KCNK10: variants seen among roughly 807,000 people sequenced by gnomAD.
KCNK10 encodes potassium channel subfamily K member 10.
A neutral mutation model predicts 47.7 loss-of-function variants in KCNK10; 25 were observed. The observed-to-expected ratio is 0.52, with a 90% CI of 0.38 to 0.73. The LOEUF (loss-of-function observed/expected upper bound fraction) is 0.73. KCNK10 is among the 30% of genes least tolerant of loss of function. The pLI is 0.00. For missense variants in KCNK10, 563 were observed against 714.5 expected, an observed-to-expected ratio of 0.79 and a Z score of 2.42; for synonymous variants, 303 against 285.6, an observed-to-expected ratio of 1.06 and a Z score of -0.61.
chr14:88,270,830 A>C (rs376872265), intron 1 of KCNK10: 2 of 780,884 alleles, frequency 2.6e-6, no homozygotes, highest in African/African-American at 3.4e-5. Flanking sequence ...CTCAGGTGTC[A>C]GTGTGATCAC....
At chr14:88,197,238 T>C (rs1566681206) in intron 4 of KCNK10, among the ~76,000 whole-genome samples, 1 of 152,158 alleles carries the variant, frequency 6.6e-6, no homozygotes, top group Non-Finnish European at 1.5e-5. Context: ...AAATTGTTTT[T>C]ATCACTAGAC....
At chr14:88,312,871 T>G (rs549897168) in intron 1 of KCNK10, among the ~76,000 whole-genome samples, 40 of 152,348 alleles carry the variant, frequency 2.6e-4, no homozygotes, top group African/African-American at 9.6e-4. Flanking sequence ...ATATTATACA[T>G]AAATCATCAT....
chr14:88,303,531 C>A (rs1888147276), intron 1 of KCNK10, among the ~76,000 whole-genome samples: 1 of 151,936 alleles, frequency 6.6e-6, no homozygotes, highest in Non-Finnish European at 1.5e-5. Flanking sequence ...AATGCGGGAT[C>A]AAGGGGGATG....
At chr14:88,259,800 AT>A (rs1566705822) in intron 2 of KCNK10, among the ~76,000 whole-genome samples, 1 of 152,040 alleles carries the variant, frequency 6.6e-6, no homozygotes, top group Non-Finnish European at 1.5e-5. Flanking sequence ...AGTGTCTGAT[AT>A]GGTTTGGATT....
At chr14:88,240,194 A>T (rs189111292) in intron 3 of KCNK10, among the ~76,000 whole-genome samples, 135 of 152,320 alleles carry the variant, frequency 8.9e-4, no homozygotes, top group African/African-American at 3.1e-3. Context: ...AAGTCAAAAA[A>T]AATCCCCAAA....
chr14:88,220,189 G>A (rs10140633), intron 4 of KCNK10, among the ~76,000 whole-genome samples: 2,622 of 151,758 alleles, frequency 0.017, 81 homozygotes, highest in African/African-American at 0.06. Context: ...AGGCCGAGGC[G>A]GGCGGATCAC....
Position 88,185,345 on chromosome 14 carries a change from G to A in KCNK10, c.*190C>T. ...GTGTCCTGCGTTTGCTATCTGAAAT[G>A]AAGTTCTTGTTCTCTGATTCCTTTT... On this transcript the variant is annotated 3_prime_UTR_variant, in exon 7 of 7. Coordinates refer to ENST00000319231, the MANE Select transcript of KCNK10 (RefSeq NM_138317.3). This position sits in a 1 kb window ranked among gnomAD's most constrained non-coding sequence, Gnocchi z 4.3. 5.0e-6 allele frequency: 4 copies of A among 805,174 alleles called. No homozygotes were observed. The highest frequency in any genetic ancestry group is 7.5e-6 in the Non-Finnish European group (4 of 530,712). The allele number at this position is 805,174 out of a possible 1,614,324, so 49.9% of individuals were successfully genotyped here.
chr14:88,187,270 C>T (rs906060090), intron 6 of KCNK10, among the ~76,000 whole-genome samples: 4 of 150,832 alleles, frequency 2.7e-5, no homozygotes, highest in African/African-American at 7.3e-5. Flanking sequence ...TTCTTATCTC[C>T]CTTCCTTTCT....
intron 5 of KCNK10, among the ~76,000 whole-genome samples, 162 bp from the exon 6 acceptor site, chr14:88,188,271 G>T (rs553846925): frequency 6.6e-6 from 1 of 152,160 alleles, no homozygotes; most frequent in East Asian, 1.9e-4. Flanking sequence ...GGCAAGGGGG[G>T]TACCCATCCC....
At chr14:88,256,759 C>T (rs549002923) in intron 2 of KCNK10, among the ~76,000 whole-genome samples, 4 of 152,288 alleles carry the variant, frequency 2.6e-5, no homozygotes, top group South Asian at 4.1e-4. Flanking sequence ...CTCCACGATG[C>T]GCATCAGTTA....
intron 4 of KCNK10, among the ~76,000 whole-genome samples, chr14:88,215,648 G>A (rs1249795828): frequency 6.6e-6 from 1 of 152,032 alleles, no homozygotes; most frequent in African/African-American, 2.4e-5. Flanking sequence ...CCCTACAAAG[G>A]TTCTGGCATG....
rs1887591554 is a variant in KCNK10 at position 88,279,170 on chromosome 14, G to A, written c.53-15619C>T. ...CCCAAATGCAATTTCTATCAAACCA[G>A]CATTTGATGAGGTCCTACTATGGGC... On this transcript the variant is annotated intron_variant, in intron 1 of 6. Coordinates refer to ENST00000319231, the MANE Select transcript of KCNK10 (RefSeq NM_138317.3). Among the ~76,000 whole-genome samples the A allele has an allele frequency of 2.0e-5, 3 of 152,134 alleles. 1 individual carries two copies. The South Asian group carries it at 6.2e-4, about 31-fold the overall frequency.
rs538091507 is a variant in KCNK10 at position 88,219,925 on chromosome 14, C to T, written c.681+7450G>A. Among the ~76,000 whole-genome samples the T allele has an allele frequency of 5.9e-5, 9 of 152,312 alleles. No homozygotes were observed. In the East Asian group the frequency reaches 1.2e-3, roughly 20 times the overall value. ...CACTGGTCCATTATGGCAATACTAT[C>T]GTCCTTTGTCCGATACTTCCTTTCC... On this transcript the variant is annotated intron_variant, in intron 4 of 6. Transcript: ENST00000319231.
rs1332035872 is a variant in KCNK10, at chr14:88,227,495, G to T, written c.561C>A (p.Ile187=). The change falls in exon 4 of 7, where the codon ATC becomes ATA. Residue 187 remains isoleucine, a synonymous_variant. Transcript: ENST00000319231. ...CAAAGATGGCATATAAAATACAAAA[G>T]ATTTTGCCTCCTTCAGTGCTCGGAG... The part of the protein sequence containing the change: ...NIAPSTEGGK[I]FCILYAIFGI... 1.9e-6 allele frequency: 3 copies of T among 1,612,878 alleles called. No individual in the cohort carries two copies. The highest frequency in any genetic ancestry group is 1.7e-4 in the Middle Eastern group (1 of 6,056).
chr14:88,234,342 A>T (rs1886236942), intron 3 of KCNK10, among the ~76,000 whole-genome samples: 1 of 152,216 alleles, frequency 6.6e-6, no homozygotes, highest in South Asian at 2.1e-4. Flanking sequence ...CATGTCATAT[A>T]ATTAGATTAA....
chr14:88,208,123 A>G (rs938448253), intron 4 of KCNK10, among the ~76,000 whole-genome samples: 7 of 152,234 alleles, frequency 4.6e-5, no homozygotes, highest in Non-Finnish European at 1.0e-4. Flanking sequence ...ATTTTGACCC[A>G]TATAATCTTT....
chr14:88,208,875 G>A (rs576376419), intron 4 of KCNK10, among the ~76,000 whole-genome samples: 15 of 152,268 alleles, frequency 9.9e-5, no homozygotes, highest in African/African-American at 3.6e-4. Flanking sequence ...ACTCGGGAGT[G>A]AGAGGGGACC....
At chr14:88,243,750 G>C (rs1352843139) in intron 2 of KCNK10, among the ~76,000 whole-genome samples, 2 of 151,852 alleles carry the variant, frequency 1.3e-5, no homozygotes, top group Non-Finnish European at 2.9e-5. Context: ...GAAAAGCCCT[G>C]AAAAAGGAGG....
At chr14:88,267,814 A>G (rs1887302922) in intron 1 of KCNK10, among the ~76,000 whole-genome samples, 3 of 152,184 alleles carry the variant, frequency 2.0e-5, no homozygotes, top group Admixed American at 2.0e-4. Context: ...CAAAGAAGCA[A>G]ACTTGGCCAG....
Sources: allele counts gnomAD v4.1 joint callset (sites outside exome capture counted in the v4.1 genomes callset), GRCh38; gene constraint gnomAD v4.1.1; non-coding constraint Gnocchi (gnomAD v3.1); transcripts MANE v1.5; gene names NCBI Gene and HGNC (gene_info 2026-07-23, HGNC 2026-07-21).